Variants in TJP1 observed in about 807,000 individuals in gnomAD.
TJP1 encodes tight junction protein 1.
TJP1 carries 43 observed loss-of-function variants against 194.2 expected under a neutral mutation model. The observed-to-expected ratio is 0.22, with a 90% CI of 0.17 to 0.29. TJP1 has a LOEUF of 0.29. TJP1 is among the 10% of genes least tolerant of loss of function. The pLI is 1.00. For missense variants in TJP1, 1,971 were observed against 2,185.7 expected (o/e 0.90, Z 1.96); for synonymous variants, 801 against 779.0 (o/e 1.03, Z -0.47).
intron 2 of TJP1, among the ~76,000 whole-genome samples, chr15:29,799,247 T>C (rs900894256): frequency 1.3e-5 from 2 of 152,184 alleles, no homozygotes; most frequent in Non-Finnish European, 1.5e-5. Context: ...TTATTTTATA[T>C]GTTTAATCAT....
intron 2 of TJP1, among the ~76,000 whole-genome samples, chr15:29,837,564 A>C (rs185500732): frequency 2.0e-5 from 3 of 152,338 alleles, no homozygotes; most frequent in Non-Finnish European, 4.4e-5. Flanking sequence ...GTCTCAAAAA[A>C]AATTAAAAAC....
chr15:29,707,931 C>G (rs1391409386), intron 25 of TJP1, among the ~76,000 whole-genome samples: 1 of 152,204 alleles, frequency 6.6e-6, no homozygotes, highest in Non-Finnish European at 1.5e-5. Flanking sequence ...GGTGCAGTGG[C>G]TCACGCCTGT....
chr15:29,783,478 T>C (rs2047503688), intron 2 of TJP1, among the ~76,000 whole-genome samples: 1 of 152,190 alleles, frequency 6.6e-6, no homozygotes, highest in African/African-American at 2.4e-5. Context: ...ACTGGGTATA[T>C]ACCCAAAGGA....
At chr15:29,957,347 GAT>G (rs2055986545) in intron 1 of TJP1, among the ~76,000 whole-genome samples, 2 of 152,100 alleles carry the variant, frequency 1.3e-5, no homozygotes, top group African/African-American at 4.8e-5. Context: ...GGTATAAAAA[GAT>G]ATAAAAATGG....
At chr15:29,949,531 C>A (rs533090725) in intron 2 of TJP1, among the ~76,000 whole-genome samples, 10 of 143,926 alleles carry the variant, frequency 6.9e-5, no homozygotes, top group Non-Finnish European at 7.7e-5. Flanking sequence ...CCACCACCAC[C>A]TCCACCACCA....
At chr15:29,719,596 A>G (rs973591189) in intron 20 of TJP1, among the ~76,000 whole-genome samples, 181 bp downstream of exon 20, 2 of 152,240 alleles carry the variant, frequency 1.3e-5, no homozygotes, top group African/African-American at 4.8e-5. Flanking sequence ...TCAAATAATC[A>G]GTATACCAAT....
intron 2 of TJP1, among the ~76,000 whole-genome samples, chr15:29,916,932 A>G (rs2054205589): frequency 6.6e-6 from 1 of 152,108 alleles, no homozygotes; most frequent in Non-Finnish European, 1.5e-5. Flanking sequence ...CTGCCAATAC[A>G]CACACATGCA....
intron 2 of TJP1, among the ~76,000 whole-genome samples, chr15:29,943,090 C>G (rs1456052824): frequency 6.6e-6 from 1 of 152,176 alleles, no homozygotes; most frequent in Non-Finnish European, 1.5e-5. Context: ...TGATAAGACA[C>G]TGGTGAAACC....
intron 2 of TJP1, among the ~76,000 whole-genome samples, chr15:29,947,287 A>C (rs2055318407): frequency 6.6e-6 from 1 of 152,220 alleles, no homozygotes; most frequent in Non-Finnish European, 1.5e-5. Flanking sequence ...GATTTATCTG[A>C]AAACAGAAAT....
intron 2 of TJP1, among the ~76,000 whole-genome samples, chr15:29,833,657 T>C (rs1009590138): frequency 2.8e-4 from 42 of 151,436 alleles, no homozygotes; most frequent in African/African-American, 9.0e-4. Flanking sequence ...CCTCCCAAAA[T>C]TGCTAGGATT....
intron 2 of TJP1, among the ~76,000 whole-genome samples, chr15:29,788,597 A>T (rs11632546): frequency 0.08 from 12,230 of 152,194 alleles, 533 homozygotes; most frequent in African/African-American, 0.088. Context: ...ACCCCATCCC[A>T]AGTTTACCTC....
rs1175518448 is a variant in TJP1 at position 29,833,875 on chromosome 15, A to ATTTTTTTTT, written c.307-33174_307-33173insAAAAAAAAA. On this transcript the variant is annotated intron_variant, in intron 2 of 28. Transcript: ENST00000356107. ...TTTGTAAGTATATATATATATATAT[A>ATTTTTTTTT]TATATATTTTTTTTTTTTTTTTTTT... Among the ~76,000 whole-genome samples, 30 of 16,556 alleles carry ATTTTTTTTT rather than the reference A, an allele frequency of 1.8e-3. 1 individual carries two copies. The East Asian group carries it at 0.029, about 16-fold the overall frequency. The allele number at this position is 16,556 out of a possible 152,430, so 10.9% of individuals were successfully genotyped here. A position where few individuals can be genotyped will look rare whatever the true frequency, so the allele number is the denominator to read the frequency against.
chr15:29,828,663 T>A (rs1237487508), intron 2 of TJP1, among the ~76,000 whole-genome samples: 2 of 152,116 alleles, frequency 1.3e-5, no homozygotes, highest in African/African-American at 4.8e-5. Context: ...ATTACATCAC[T>A]TACCCATTTT....
At chr15:29,751,858 T>C (rs372968184) in intron 8 of TJP1, among the ~76,000 whole-genome samples, 16 of 152,336 alleles carry the variant, frequency 1.1e-4, no homozygotes, top group Middle Eastern at 6.8e-3. Context: ...TTTTAAATAT[T>C]GTACTTGTAG....
At chr15:29,860,366 C>T (rs2052029383) in intron 2 of TJP1, among the ~76,000 whole-genome samples, 1 of 152,106 alleles carries the variant, frequency 6.6e-6, no homozygotes, top group Non-Finnish European at 1.5e-5. Context: ...CCAGAGGCAC[C>T]CTTGGATTTG....
At chr15:29,937,442 T>C (rs2054921930) in intron 2 of TJP1, among the ~76,000 whole-genome samples, 1 of 151,856 alleles carries the variant, frequency 6.6e-6, no homozygotes, top group African/African-American at 2.4e-5. Context: ...TGAGAAAAAA[T>C]AGCAGTAAAT....
rs142296886 is a variant in TJP1 at position 29,795,875 on chromosome 15, C to T, written c.84+4771G>A. On this transcript the variant is annotated intron_variant, in intron 2 of 27. Transcript: ENST00000614355. ...ACAAACAACAAGAAATCCACCATAT[C>T]AACAGATTAAGAAGAAAACCCATAT... Among the ~76,000 whole-genome samples, 988 of 152,162 alleles carry T rather than the reference C, an allele frequency of 6.5e-3. 6 individuals are homozygous for T. Among genetic ancestry groups the T allele is most frequent in the Non-Finnish European group, 0.011 (748 of 67,988 alleles).
Position 29,833,954 on chromosome 15 carries a change from C to T in TJP1, c.307-33252G>A, listed in dbSNP as rs561869346. Among the ~76,000 whole-genome samples, 23 of 112,434 alleles carry T rather than the reference C, an allele frequency of 2.0e-4. 1 individual carries two copies. In the East Asian group the frequency reaches 6.6e-3, roughly 32 times the overall value. The allele number at this position is 112,434 out of a possible 152,430, so 73.8% of individuals were successfully genotyped here. On this transcript the variant is annotated intron_variant, in intron 2 of 28. Transcript: ENST00000356107. ...CTGGAGTGCAGTGGCGCAATCTCGG[C>T]TCACTGCAAGCTCCACCTCCCGGGT...
At chr15:29,856,107 CA>C (rs2051840936) in intron 2 of TJP1, among the ~76,000 whole-genome samples, 1 of 151,804 alleles carries the variant, frequency 6.6e-6, no homozygotes, top group African/African-American at 2.4e-5. Flanking sequence ...GTGGCATATC[CA>C]TACAATAGAA....
Sources: allele counts gnomAD v4.1 joint callset (sites outside exome capture counted in the v4.1 genomes callset), GRCh38; gene constraint gnomAD v4.1.1; transcripts MANE v1.5; gene names NCBI Gene and HGNC (gene_info 2026-07-23, HGNC 2026-07-21).